CADM2: variants seen among roughly 807,000 people sequenced by gnomAD.
CADM2 encodes immunoglobulin superfamily member 4D.
A neutral mutation model predicts 49.8 loss-of-function variants in CADM2; 12 were observed. That is an observed-to-expected ratio of 0.24 (90% CI 0.15 to 0.39). The LOEUF is 0.39. Ranked by LOEUF, CADM2 falls within the 10% of genes least tolerant of loss-of-function variation. CADM2 has a pLI of 1.00. For missense variants in CADM2, 378 were observed against 492.3 expected, an observed-to-expected ratio of 0.77 and a Z score of 2.20; for synonymous variants, 214 against 175.4, an observed-to-expected ratio of 1.22 and a Z score of -1.74.
chr3:85,737,165 G>A (rs1297351607), intron 2 of CADM2, among the ~76,000 whole-genome samples: 1 of 152,132 alleles, frequency 6.6e-6, no homozygotes, highest in African/African-American at 2.4e-5. Context: ...ATGGTGTACT[G>A]TGTAAGACAA....
intron 1 of CADM2, among the ~76,000 whole-genome samples, chr3:85,157,054 C>G (rs2040153076): frequency 6.6e-6 from 1 of 152,006 alleles, no homozygotes; most frequent in South Asian, 2.1e-4. Flanking sequence ...AACAGACAAA[C>G]AGAGAGCCAA....
intron 1 of CADM2, among the ~76,000 whole-genome samples, chr3:85,064,323 T>C (rs961246641): frequency 1.3e-5 from 2 of 152,086 alleles, no homozygotes; most frequent in African/African-American, 4.8e-5. Context: ...AACTGGACCA[T>C]TTACATGATT....
chr3:85,370,025 G>A (rs1340626292), intron 1 of CADM2, among the ~76,000 whole-genome samples: 1 of 151,512 alleles, frequency 6.6e-6, no homozygotes, highest in East Asian at 1.9e-4. Flanking sequence ...TTATCCAAAA[G>A]GAATGTCAAA....
At chr3:85,237,045 CT>C (rs2042423606) in intron 1 of CADM2, among the ~76,000 whole-genome samples, 1 of 151,956 alleles carries the variant, frequency 6.6e-6, no homozygotes. Context: ...TAAATAAGGG[CT>C]TTTATGACCA....
At chr3:85,405,168 G>A (rs1052409173) in intron 1 of CADM2, among the ~76,000 whole-genome samples, 16 of 152,134 alleles carry the variant, frequency 1.1e-4, no homozygotes, top group African/African-American at 2.9e-4. Context: ...TACCCTGAAA[G>A]GCCTATTTGG....
intron 7 of CADM2, among the ~76,000 whole-genome samples, chr3:85,959,200 C>G (rs937292315): frequency 1.3e-5 from 2 of 149,160 alleles, no homozygotes; most frequent in African/African-American, 5.0e-5. Context: ...TGATGAACAG[C>G]GAGATGAGGA....
At chr3:85,438,014 A>G (rs1213427863) in intron 1 of CADM2, among the ~76,000 whole-genome samples, 1 of 152,036 alleles carries the variant, frequency 6.6e-6, no homozygotes, top group Non-Finnish European at 1.5e-5. Flanking sequence ...CAATTATTAT[A>G]TTTAAAATTA....
chr3:85,857,843 TAAAAAG>T, intron 3 of CADM2, among the ~76,000 whole-genome samples: 1 of 152,282 alleles, frequency 6.6e-6, no homozygotes, highest in Non-Finnish European at 1.5e-5. Flanking sequence ...CAGTGCAGAT[TAAAAAG>T]AAAAACAGAA....
intron 1 of CADM2, among the ~76,000 whole-genome samples, chr3:85,462,266 G>A (rs574013016): frequency 6.6e-6 from 1 of 152,186 alleles, no homozygotes; most frequent in African/African-American, 2.4e-5. Context: ...CTATGAATTA[G>A]CCTCATGTGA....
intron 2 of CADM2, among the ~76,000 whole-genome samples, chr3:85,734,964 C>A (rs2068073471): frequency 1.6e-5 from 2 of 125,558 alleles, no homozygotes; most frequent in Non-Finnish European, 3.3e-5. Flanking sequence ...AATGTAGCAA[C>A]TAGAAATATA....
chr3:85,797,166 T>A, intron 2 of CADM2, among the ~76,000 whole-genome samples: 1 of 150,362 alleles, frequency 6.7e-6, no homozygotes, highest in East Asian at 2.0e-4. Context: ...TTTAGGAAAA[T>A]CTTTTTGTTA....
intron 8 of CADM2, among the ~76,000 whole-genome samples, chr3:86,017,534 A>G (rs1249022695): frequency 6.6e-6 from 1 of 152,020 alleles, no homozygotes; most frequent in African/African-American, 2.4e-5. Context: ...GTTGGAGAGC[A>G]GACTGGGAAA....
At chr3:85,433,407 C>T (rs918670442) in intron 1 of CADM2, among the ~76,000 whole-genome samples, 55 of 151,810 alleles carry the variant, frequency 3.6e-4, no homozygotes, top group African/African-American at 1.3e-3. Context: ...GCTAAAATTA[C>T]TTTTTTTTCC....
chr3:85,608,083 C>T (rs911019227), intron 1 of CADM2, among the ~76,000 whole-genome samples: 1 of 152,050 alleles, frequency 6.6e-6, no homozygotes, highest in Non-Finnish European at 1.5e-5. Context: ...TATAGAGAAG[C>T]TTAAACTGAC....
At chr3:85,311,712 T>C (rs1324790911) in intron 1 of CADM2, among the ~76,000 whole-genome samples, 1 of 152,182 alleles carries the variant, frequency 6.6e-6, no homozygotes, top group Non-Finnish European at 1.5e-5. Flanking sequence ...CTTATCATCA[T>C]ATTTGGCCCT....
At chr3:85,936,835 T>A (rs1721235647) in intron 7 of CADM2, among the ~76,000 whole-genome samples, 1 of 151,836 alleles carries the variant, frequency 6.6e-6, no homozygotes. Context: ...TATTAATAAA[T>A]CCATGCCTTA....
In CADM2 at chr3:85,830,870, C is replaced by T. The variant is rs530626360; in HGVS notation, c.238+28674C>T. ...ACTTCTATTACAGGCCCAGGGGGTA[C>T]ATGTGCAGGCTTGTTACATGGATGA... On this transcript the variant is annotated intron_variant, in intron 3 of 9. Transcript: ENST00000383699. 6.7e-5 allele frequency among the ~76,000 whole-genome samples: 10 copies of T among 150,220 alleles called. No homozygotes were observed. The South Asian group carries it at 2.1e-3, about 31-fold the overall frequency.
intron 2 of CADM2, among the ~76,000 whole-genome samples, chr3:85,756,844 T>C (rs1026104449): frequency 1.3e-5 from 2 of 152,134 alleles, no homozygotes; most frequent in Non-Finnish European, 2.9e-5. Context: ...TTAAGAAATA[T>C]TGATCGGGTT....
chr3:85,944,751 A>T (rs1302407818), intron 7 of CADM2, among the ~76,000 whole-genome samples: 1 of 152,174 alleles, frequency 6.6e-6, no homozygotes, highest in East Asian at 1.9e-4. Flanking sequence ...ACAACATACC[A>T]GAATATCTGG....
Sources: allele counts gnomAD v4.1 joint callset (sites outside exome capture counted in the v4.1 genomes callset), GRCh38; gene constraint gnomAD v4.1.1; transcripts MANE v1.5; gene names NCBI Gene and HGNC (gene_info 2026-07-23, HGNC 2026-07-21).